The following ZBTB46 variants were observed in gnomAD, a reference collection of about 807,000 sequenced individuals.
ZBTB46 encodes the protein zinc finger and BTB domain containing 46.
A neutral mutation model predicts 44.1 loss-of-function variants in ZBTB46; 8 were observed. The ratio of observed to expected loss-of-function variants is 0.18; its 90% CI spans 0.11 to 0.33. ZBTB46 has a LOEUF of 0.33. Among genes scored for constraint, ZBTB46 ranks in the 10% least tolerant of loss-of-function variants. The pLI is 1.00. For synonymous variants in ZBTB46, 409 were observed against 382.3 expected, an observed-to-expected ratio of 1.07 and a Z score of -0.81; for missense variants, 651 against 847.7, an observed-to-expected ratio of 0.77 and a Z score of 2.88.
At chr20:63,823,889 T>TGTGTGTGTGTGTGTGTGTGTGTGTGTG (rs1568910610) in intron 1 of ZBTB46, among the ~76,000 whole-genome samples, 5 of 150,646 alleles carry the variant, frequency 3.3e-5, no homozygotes, top group Non-Finnish European at 5.9e-5. Context: ...TGTGTGTGTG[T>TGTGTGTGTGTGTGTGTGTGTGTGTGTG]TCTTTGGGAC....
chr20:63,789,736 T>C lies in ZBTB46; in HGVS notation c.937+85A>G, dbSNP rs2092544141. 2.6e-6 allele frequency: 4 copies of C among 1,514,018 alleles called. No homozygotes were observed. In the Admixed American group the frequency reaches 6.1e-5, roughly 23 times the overall value. The allele number at this position is 1,514,018 out of a possible 1,614,324, so 93.8% of individuals were successfully genotyped here. On this transcript the variant is annotated intron_variant, in intron 2 of 4. Transcript: ENST00000245663. ...AAAGCCACCAGTGTGAGCCTGGACA[T>C]GCGTCACTGCCTCCGCACAGCACGC... is the stretch of plus-strand genomic sequence containing the variant.
In ZBTB46 at chr20:63,744,577, A is replaced by G. The variant is rs1213343392; in HGVS notation, c.*2353T>C. The G allele has an allele frequency of 6.6e-6, 1 of 152,362 alleles. No homozygotes were observed. Among genetic ancestry groups the G allele is most frequent in the African/African-American group, 2.4e-5 (1 of 41,458 alleles). The allele number at this position is 152,362 out of a possible 1,614,324, so 9.4% of individuals were successfully genotyped here. On this transcript the variant is annotated 3_prime_UTR_variant, in exon 5 of 5. Transcript: ENST00000245663. ...TTGAACATCGATTTAAAAAAAAATC[A>G]GTCACATAAAAAAAACCCTTCATGA...
Position 63,761,482 on chromosome 20 carries a change from C to T in ZBTB46, c.1223-8621G>A, listed in dbSNP as rs565925631. Among the ~76,000 whole-genome samples the T allele has an allele frequency of 3.4e-4, 52 of 152,014 alleles. 3 individuals are homozygous for T. In the South Asian group the frequency reaches 0.011, roughly 32 times the overall value. On this transcript the variant is annotated intron_variant, in intron 3 of 4. Transcript: ENST00000245663. ...TTTTGATACAGCATTTTTTCATTAT[C>T]ATTCAGTTAAAAATATTTTGGCCAG...
At position 63,803,492 on chromosome 20, in the gene ZBTB46, G is replaced by A. The variant is rs1383695408; in HGVS notation, c.-33-12702C>T. 4 of 985,092 alleles carry A rather than the reference G, an allele frequency of 4.1e-6. No homozygotes were observed. The highest frequency in any genetic ancestry group is 4.8e-6 in the Non-Finnish European group (4 of 829,900). 61.0% of individuals were successfully genotyped at this position (985,092 alleles called of 1,614,324 possible). A position where few individuals can be genotyped will look rare whatever the true frequency, so the allele number is the denominator to read the frequency against. ...TGGGTGCTGGCGATGAGGACTTTAG[G>A]TTTTCCACATGGCAGCCCCCATGTG... On this transcript the variant is annotated intron_variant, in intron 1 of 4. Transcript: ENST00000245663. The surrounding 1 kb of genome is among the most constrained non-coding windows in gnomAD (Gnocchi z 4.0).
chr20:63,826,109 G>A (rs185540508), intron 1 of ZBTB46, among the ~76,000 whole-genome samples: 8 of 152,372 alleles, frequency 5.3e-5, no homozygotes, highest in Admixed American at 1.3e-4. Flanking sequence ...ATATGCCAGC[G>A]AATGGGAAGG....
intron 1 of ZBTB46, among the ~76,000 whole-genome samples, chr20:63,807,295 T>G (rs548200278): frequency 6.6e-6 from 1 of 152,224 alleles, no homozygotes; most frequent in Non-Finnish European, 1.5e-5. Context: ...TTTCTTTCAT[T>G]GGAAGTTTTT....
intron 3 of ZBTB46, among the ~76,000 whole-genome samples, chr20:63,766,564 A>G (rs1451970729): frequency 6.6e-6 from 1 of 150,420 alleles, no homozygotes; most frequent in Admixed American, 6.6e-5. Flanking sequence ...CATTTTCTCT[A>G]CAACTGATAT....
At chr20:63,753,125 C>A (rs1351184233) in intron 3 of ZBTB46, among the ~76,000 whole-genome samples, 1 of 152,192 alleles carries the variant, frequency 6.6e-6, no homozygotes, top group Admixed American at 6.5e-5. Flanking sequence ...ATCTTTCCAT[C>A]CAGGCCAAAG....
chr20:63,800,805 T>G (rs2092638378), intron 1 of ZBTB46, among the ~76,000 whole-genome samples: 1 of 152,194 alleles, frequency 6.6e-6, no homozygotes, highest in African/African-American at 2.4e-5. Flanking sequence ...AAGCCCGCCA[T>G]GCCTGAGCCT....
At position 63,782,096 on chromosome 20, in the gene ZBTB46, A is replaced by AAAAAAAAAG. The variant is rs1386082316; in HGVS notation, c.938-6135_938-6134insCTTTTTTTT. Among the ~76,000 whole-genome samples the AAAAAAAAAG allele has an allele frequency of 2.4e-5, 3 of 124,924 alleles. 1 individual carries two copies. The highest frequency in any genetic ancestry group is 3.4e-5 in the Non-Finnish European group (2 of 59,652). The allele number at this position is 124,924 out of a possible 152,430, so 82.0% of individuals were successfully genotyped here. ...AGCAAGACTCCGTCTCAAAAAAAAA[A>AAAAAAAAAG]AAAAGAAAAGAGGCGTGGCGATTTT... On this transcript the variant is annotated intron_variant, in intron 2 of 4. Transcript: ENST00000245663.
Position 63,746,500 on chromosome 20 carries a change from G to A in ZBTB46, c.*430C>T, listed in dbSNP as rs116905074. 0.016 allele frequency: 2,679 copies of A among 166,554 alleles called. 39 individuals carry two copies. Among genetic ancestry groups the A allele is most frequent in the Non-Finnish European group, 0.021 (1,600 of 77,904 alleles). The allele number at this position is 166,554 out of a possible 1,614,324, so 10.3% of individuals were successfully genotyped here. A position where few individuals can be genotyped will look rare whatever the true frequency, so the allele number is the denominator to read the frequency against. ...GGAGGGGAGGGCGGGCTCCAGCCGG[G>A]CTGACCGGGTGTCTGTAAAACTCTG... is the stretch of plus-strand genomic sequence containing the variant. On this transcript the variant is annotated 3_prime_UTR_variant, in exon 5 of 5. Transcript: ENST00000245663.
At chr20:63,749,610 A>G (rs1341586545) in intron 4 of ZBTB46, among the ~76,000 whole-genome samples, 2 of 152,224 alleles carry the variant, frequency 1.3e-5, no homozygotes, top group South Asian at 2.1e-4. Flanking sequence ...TGCTGGGATT[A>G]CAGGCGTCAG....
At chr20:63,815,216 G>A (rs1887407) in intron 1 of ZBTB46, 18,789 of 239,824 alleles carry the variant, frequency 0.078, 1,338 homozygotes, top group African/African-American at 0.22. Context: ...GTGGGCACGA[G>A]TGCAAGTGCA....
intron 1 of ZBTB46, among the ~76,000 whole-genome samples, chr20:63,814,272 A>G (rs531849822): frequency 6.2e-4 from 94 of 151,982 alleles, no homozygotes; most frequent in African/African-American, 2.2e-3. Context: ...GAAAGGAAAA[A>G]GAAAAAACAG....
intron 1 of ZBTB46, among the ~76,000 whole-genome samples, chr20:63,823,853 G>A (rs2092805394): frequency 1.2e-5 from 1 of 82,692 alleles, no homozygotes. Context: ...TGTCCTCTAG[G>A]AACCTTGTGT....
At chr20:63,788,739 T>C (rs1346268197) in intron 2 of ZBTB46, among the ~76,000 whole-genome samples, 1 of 151,772 alleles carries the variant, frequency 6.6e-6, no homozygotes, top group Non-Finnish European at 1.5e-5. Context: ...AATCGGAGGC[T>C]GTGGCAGGAG....
chr20:63,771,081 C>CGTCAGCAGGAGGTCGCAAG (rs1555841471), intron 3 of ZBTB46, among the ~76,000 whole-genome samples: 10 of 151,888 alleles, frequency 6.6e-5, no homozygotes, highest in African/African-American at 9.7e-5. Flanking sequence ...GCAGGGGCTA[C>CGTCAGCAGGAGGTCGCAAG]TCGCCCTCCC....
At chr20:63,808,959 A>G (rs1454347779) in intron 1 of ZBTB46, among the ~76,000 whole-genome samples, 1 of 142,070 alleles carries the variant, frequency 7.0e-6, no homozygotes, top group African/African-American at 2.6e-5. Flanking sequence ...CCTGGGCGGC[A>G]GAGCGAGACT....
chr20:63,790,022 C>T lies in ZBTB46; in HGVS notation c.736G>A (p.Ala246Thr). 6.2e-7 allele frequency: 1 copy of T among 1,614,008 alleles called. No individual in the cohort carries two copies. The highest frequency in any genetic ancestry group is 1.1e-5 in the South Asian group (1 of 91,080). The part of the protein sequence containing the change: ...SQYGGSELPS[A>T]KDGAVQNSFS... Reference sequence around the variant, plus strand: ...GAGTTCTGTACTGCACCGTCCTTGGCAGAAGGCAGCTCGCTCCCTCCGTAC... The same window carrying T: ...GAGTTCTGTACTGCACCGTCCTTGGTAGAAGGCAGCTCGCTCCCTCCGTAC... Residue 246 changes from alanine (A) to threonine (T), a missense_variant, in exon 2 of 5, where the codon GCC (alanine) becomes ACC (threonine). Physicochemically the swap from Ala to Thr is moderately conservative, Grantham distance 58 (BLOSUM62 0). This residue lies in a region of ZBTB46 where 385 missense variants were observed against 423.3 expected (regional missense o/e 0.91). Coordinates refer to ENST00000245663, the MANE Select transcript of ZBTB46 (RefSeq NM_001369741.1).
Sources: allele counts gnomAD v4.1 joint callset (sites outside exome capture counted in the v4.1 genomes callset), GRCh38; gene constraint gnomAD v4.1.1; regional missense constraint gnomAD v4.1.1; non-coding constraint Gnocchi (gnomAD v3.1); transcripts MANE v1.5; gene names NCBI Gene and HGNC (gene_info 2026-07-23, HGNC 2026-07-21).